Variants in CTNNA3 observed in about 807,000 individuals in gnomAD.
CTNNA3 encodes the protein catenin alpha-3.
CTNNA3 carries 76 observed loss-of-function variants against 95.7 expected under a neutral mutation model. That is an observed-to-expected ratio of 0.79 (90% CI 0.66 to 0.96). The LOEUF is 0.96. CTNNA3 is among the 40% of genes least tolerant of loss of function. CTNNA3 has a pLI of 0.00. For missense variants in CTNNA3, 1,191 were observed against 1,089.8 expected, an observed-to-expected ratio of 1.09 and a Z score of -1.31; for synonymous variants, 431 against 374.4, an observed-to-expected ratio of 1.15 and a Z score of -1.74.
At chr10:66,402,202 A>G (rs1032604130) in intron 11 of CTNNA3, among the ~76,000 whole-genome samples, 7 of 152,186 alleles carry the variant, frequency 4.6e-5, no homozygotes, top group African/African-American at 1.4e-4. Context: ...AACCCAACAG[A>G]TATACAATAT....
At chr10:66,374,645 C>T (rs561506094) in intron 12 of CTNNA3, among the ~76,000 whole-genome samples, 99 of 120,784 alleles carry the variant, frequency 8.2e-4, no homozygotes, top group Non-Finnish European at 1.2e-3. Context: ...GACGGAGTCT[C>T]GCTCTGTCAC....
intron 7 of CTNNA3, among the ~76,000 whole-genome samples, chr10:66,907,790 C>T (rs548267316): frequency 6.6e-6 from 1 of 152,208 alleles, no homozygotes; most frequent in African/African-American, 2.4e-5. Context: ...GTGAAGGCTT[C>T]CTTGATTCTT....
intron 13 of CTNNA3, among the ~76,000 whole-genome samples, chr10:66,234,542 T>C (rs1001153093): frequency 6.6e-6 from 1 of 152,196 alleles, no homozygotes; most frequent in Non-Finnish European, 1.5e-5. Flanking sequence ...TGTAGTTGCG[T>C]GTCTGATATA....
At chr10:67,686,916 T>C (rs1001193021) in intron 1 of CTNNA3, among the ~76,000 whole-genome samples, 3 of 152,246 alleles carry the variant, frequency 2.0e-5, no homozygotes, top group South Asian at 4.1e-4. Context: ...GGACAACAAA[T>C]GGGTAACTTG....
At chr10:66,359,898 C>G (rs2092640305) in intron 12 of CTNNA3, among the ~76,000 whole-genome samples, 1 of 151,328 alleles carries the variant, frequency 6.6e-6, no homozygotes, top group Non-Finnish European at 1.5e-5. Context: ...TTGATCTCTG[C>G]TCACTGCAAC....
At chr10:65,962,521 T>C (rs1054556229) in intron 17 of CTNNA3, among the ~76,000 whole-genome samples, 3 of 152,176 alleles carry the variant, frequency 2.0e-5, no homozygotes, top group Non-Finnish European at 4.4e-5. Context: ...TCATCAATAT[T>C]GCCCTAAGTA....
intron 12 of CTNNA3, among the ~76,000 whole-genome samples, chr10:66,345,622 G>T (rs2092501216): frequency 6.6e-6 from 1 of 152,036 alleles, no homozygotes; most frequent in African/African-American, 2.4e-5. Context: ...AATTCAGTAT[G>T]ATTTTAAAGA....
chr10:67,503,938 A>G (rs1839319384), intron 5 of CTNNA3, among the ~76,000 whole-genome samples: 1 of 152,112 alleles, frequency 6.6e-6, no homozygotes, highest in Non-Finnish European at 1.5e-5. Context: ...CGGGCGGATC[A>G]CAAGGTCAGG....
chr10:66,374,824 C>T (rs1303475195), intron 12 of CTNNA3, among the ~76,000 whole-genome samples: 1 of 151,758 alleles, frequency 6.6e-6, no homozygotes, highest in Non-Finnish European at 1.5e-5. Flanking sequence ...ACCATGTTGG[C>T]CAGGCTGGTC....
intron 5 of CTNNA3, among the ~76,000 whole-genome samples, chr10:67,277,785 G>T (rs555397478): frequency 6.6e-5 from 10 of 152,238 alleles, no homozygotes; most frequent in Non-Finnish European, 1.3e-4. Context: ...ACTCCCACCA[G>T]TGTCATGACA....
intron 9 of CTNNA3, 41 bp downstream of exon 9, chr10:66,766,223 T>A (rs1839845110): frequency 1.3e-6 from 2 of 1,593,182 alleles, no homozygotes; most frequent in Non-Finnish European, 1.7e-6. Flanking sequence ...GGGAGCCTCA[T>A]TCTCCTGGAC....
chr10:66,055,094 T>A (rs2080049829), intron 15 of CTNNA3, among the ~76,000 whole-genome samples: 1 of 152,200 alleles, frequency 6.6e-6, no homozygotes, highest in African/African-American at 2.4e-5. Context: ...TCTGTTTTTA[T>A]GCCAGTATCA....
chr10:66,116,316 A>G (rs906450015), intron 13 of CTNNA3, among the ~76,000 whole-genome samples: 1 of 152,144 alleles, frequency 6.6e-6, no homozygotes. Context: ...ATGTCCATGT[A>G]TTTCTTAACA....
intron 12 of CTNNA3, among the ~76,000 whole-genome samples, chr10:66,350,439 T>C (rs953230667): frequency 1.3e-5 from 2 of 151,874 alleles, no homozygotes; most frequent in African/African-American, 4.8e-5. Flanking sequence ...CTTTTCCCAA[T>C]CAAAAATAGA....
At chr10:67,509,803 C>T (rs1027900728) in intron 5 of CTNNA3, among the ~76,000 whole-genome samples, 1 of 152,190 alleles carries the variant, frequency 6.6e-6, no homozygotes, top group Non-Finnish European at 1.5e-5. Flanking sequence ...TTTACACTCC[C>T]ACCAACAGTG....
At chr10:66,429,737 T>C (rs1306798448) in intron 11 of CTNNA3, among the ~76,000 whole-genome samples, 1 of 152,144 alleles carries the variant, frequency 6.6e-6, no homozygotes, top group African/African-American at 2.4e-5. Flanking sequence ...AAATTACGTA[T>C]TGATGGGAAG....
At chr10:66,038,160 C>A (rs72791474) in intron 15 of CTNNA3, among the ~76,000 whole-genome samples, 1 of 152,066 alleles carries the variant, frequency 6.6e-6, no homozygotes, top group Non-Finnish European at 1.5e-5. Context: ...CTATATGTAA[C>A]CCATGTATAA....
At chr10:67,013,007 T>C (rs1021582675) in intron 7 of CTNNA3, 2 of 152,166 alleles carry the variant, frequency 1.3e-5, no homozygotes, top group Non-Finnish European at 2.9e-5. Flanking sequence ...CCAGTTCTTA[T>C]GCACTGCAAT....
At chr10:66,855,536 C>A (rs1424960895) in intron 7 of CTNNA3, among the ~76,000 whole-genome samples, 1 of 151,836 alleles carries the variant, frequency 6.6e-6, no homozygotes, top group Non-Finnish European at 1.5e-5. Context: ...CCTGTTTGTC[C>A]AAAGACCCAT....
Sources: allele counts gnomAD v4.1 joint callset (sites outside exome capture counted in the v4.1 genomes callset), GRCh38; gene constraint gnomAD v4.1.1; transcripts MANE v1.5; gene names NCBI Gene and HGNC (gene_info 2026-07-23, HGNC 2026-07-21).